Variants in VPS9D1 observed in about 807,000 individuals in gnomAD.
VPS9D1 encodes the protein VPS9 domain containing 1.
VPS9D1 carries 78 observed loss-of-function variants against 75.8 expected under a neutral mutation model. The ratio of observed to expected loss-of-function variants is 1.03; its 90% CI spans 0.86 to 1.24. VPS9D1 has a LOEUF of 1.24. Among genes scored for constraint, VPS9D1 ranks in the 50% most tolerant of loss-of-function variants. The probability of loss-of-function intolerance (pLI) is 0.00; values close to 1 mark genes in which losing one functional copy is unlikely to be tolerated. For missense variants in VPS9D1, 1,057 were observed against 847.7 expected (o/e 1.25, Z -3.07); for synonymous variants, 481 against 385.6 (o/e 1.25, Z -2.90).
At chr16:89,714,617 C>CT (rs2061018755) in intron 4 of VPS9D1, among the ~76,000 whole-genome samples, 5 of 152,292 alleles carry the variant, frequency 3.3e-5, no homozygotes, top group Middle Eastern at 3.4e-3. Flanking sequence ...AGGAGTGGAC[C>CT]CTTCTCGTCT....
At chr16:89,719,300 T>C (rs1360012448) in intron 1 of VPS9D1, 198 bp from the exon 2 acceptor site, 10 of 647,170 alleles carry the variant, frequency 1.5e-5, no homozygotes, top group Non-Finnish European at 2.6e-5. Context: ...GCAGCATCGC[T>C]GCTCTCCAGA....
At chr16:89,710,057 C>T (rs1240377845) in intron 10 of VPS9D1, 151 bp from the exon 11 acceptor site, 1 of 1,118,610 alleles carries the variant, frequency 8.9e-7, no homozygotes, top group Non-Finnish European at 1.2e-6. Context: ...CGGCCCAGGG[C>T]AGGGAGTCCG....
intron 4 of VPS9D1, among the ~76,000 whole-genome samples, chr16:89,716,051 G>A (rs965597066): frequency 2.6e-5 from 4 of 151,882 alleles, no homozygotes; most frequent in East Asian, 2.0e-4. Flanking sequence ...CAGGCCAGGC[G>A]CAGTGGCTCA....
Position 89,707,815 on chromosome 16 carries a change from T to C in VPS9D1, c.*46A>G, listed in dbSNP as rs2060825828. The C allele has an allele frequency of 6.3e-7, 1 of 1,574,852 alleles. No homozygotes were observed. On this transcript the variant is annotated 3_prime_UTR_variant, in exon 15 of 15. Coordinates refer to ENST00000389386, the MANE Select transcript of VPS9D1 (RefSeq NM_004913.3). The stretch of plus-strand genomic sequence containing the variant: ...GCTCCAGGTGTAGGAGAGACAGCCC[T>C]GGGAGGCGAGGCCAGGCCCTGCAGG...
chr16:89,716,699 C>G lies in VPS9D1; in HGVS notation c.268+31G>C, dbSNP rs372160112. On this transcript the variant is annotated intron_variant, in intron 3 of 14. Coordinates refer to ENST00000389386, the MANE Select transcript of VPS9D1 (RefSeq NM_004913.3). ...AGGAGATGCGGGCTTGGGGGATGCC[C>G]CAGGAGAGCCGCCTACTGCAGGAGA... The G allele has an allele frequency of 5.7e-5, 91 of 1,592,706 alleles. No individual in the cohort carries two copies. In the African/African-American group the frequency reaches 1.1e-3, roughly 18 times the overall value.
chr16:89,709,578 A>G (rs2060868466), intron 11 of VPS9D1, 143 bp from the exon 12 acceptor site: 1 of 1,265,886 alleles, frequency 7.9e-7, no homozygotes, highest in Non-Finnish European at 1.1e-6. Context: ...GACCCCAGGC[A>G]CGGGAGAGTG....
Position 89,710,582 on chromosome 16 carries a change from T to G in VPS9D1, c.1258+4A>C. On this transcript the variant is annotated splice_donor_region_variant and intron_variant, in intron 10 of 14. Transcript: ENST00000389386. ...CGGCTCTCCCAGGGAGGGCCTGGCC[T>G]CACCTACGGCATTGTGGATCTCCTC... 1.3e-6 allele frequency: 2 copies of G among 1,588,248 alleles called. No homozygotes were observed. The highest frequency in any genetic ancestry group is 4.5e-5 in the East Asian group (2 of 44,242).
At chr16:89,709,625 A>T in intron 11 of VPS9D1, 152 bp downstream of exon 11, 1 of 1,332,260 alleles carries the variant, frequency 7.5e-7, no homozygotes, top group Non-Finnish European at 1.0e-6. Flanking sequence ...GCCCCTGAGG[A>T]TGGCCTCAGG....
chr16:89,710,446 G>A (rs2060888679), intron 10 of VPS9D1, 140 bp downstream of exon 10: 7 of 913,264 alleles, frequency 7.7e-6, no homozygotes, highest in East Asian at 2.7e-5. Context: ...AAATGAGAAG[G>A]GCTGAGGCGT....
At chr16:89,711,038 G>C (rs1003169667) in intron 9 of VPS9D1, 28 bp from the exon 10 acceptor site, 1 of 1,432,330 alleles carries the variant, frequency 7.0e-7, no homozygotes, top group Admixed American at 2.9e-5. Context: ...GTGAGAACGC[G>C]GCCAGCCTCG....
chr16:89,710,590 G>A lies in VPS9D1; in HGVS notation c.1254C>T (p.Ala418=), dbSNP rs763105957. The A allele has an allele frequency of 4.4e-6, 7 of 1,595,218 alleles. No homozygotes were observed. Among genetic ancestry groups the A allele is most frequent in the Non-Finnish European group, 6.0e-6 (7 of 1,165,940 alleles). Residue 418 remains alanine, a synonymous_variant, in exon 10 of 15, where the codon GCC becomes GCT. Transcript: ENST00000389386. ...LKTAVEEIHN[A]VDRLLSLTLL... ...CCAGGGAGGGCCTGGCCTCACCTACGGCATTGTGGATCTCCTCCACCGCGG... is the reference window on the plus strand; with the variant it reads ...CCAGGGAGGGCCTGGCCTCACCTACAGCATTGTGGATCTCCTCCACCGCGG...
At chr16:89,720,447 C>T (rs3809646) in intron 1 of VPS9D1, 656,389 of 1,060,580 alleles carry the variant, frequency 0.62, 207,618 homozygotes, top group East Asian at 0.98. Context: ...ACGGACCTGC[C>T]CGTCACTCGG....
In VPS9D1 at chr16:89,707,880, C is replaced by A. The variant is rs61747704; in HGVS notation, c.1877G>T (p.Arg626Leu). The A allele has an allele frequency of 1.2e-6, 2 of 1,613,080 alleles. No homozygotes were observed. Among genetic ancestry groups the A allele is most frequent in the East Asian group, 2.2e-5 (1 of 44,882 alleles). The change falls in exon 15 of 15, where the codon CGG becomes CTG. Residue 626 changes from arginine (R) to leucine (L), a missense_variant. Arg to Leu is a moderately radical substitution (Grantham distance 102). Transcript: ENST00000389386. Reference sequence around the variant, plus strand: ...GCTGTACTACTTGGCCAGGCCTCCCCGGGGCAGCAGCTCCACGTAGCTCAG... The same window carrying A: ...GCTGTACTACTTGGCCAGGCCTCCCAGGGGCAGCAGCTCCACGTAGCTCAG... ...SALSYVELLP[R>L]GGLAK
chr16:89,707,987 T>G, intron 14 of VPS9D1, 33 bp from the exon 15 acceptor site: 1 of 1,597,220 alleles, frequency 6.3e-7, no homozygotes, highest in Non-Finnish European at 8.6e-7. Flanking sequence ...CGGTGTCATC[T>G]GAACGAACAG....
chr16:89,717,006 A>T, intron 2 of VPS9D1, 184 bp from the exon 3 acceptor site: 1 of 316,886 alleles, frequency 3.2e-6, no homozygotes, highest in Middle Eastern at 7.9e-4. Context: ...CTGCCCCCCC[A>T]TCCCCTCACC....
rs1303046753 is a variant in VPS9D1, at chr16:89,710,756, G to A, written c.1088C>T (p.Pro363Leu). ...AGATGCGGTGTCCCCCAGGGGTGAG[G>A]GAGACCCCACGGGGCCGGGTTGGAG... Reference protein sequence around the residue: ...PPLQPGPVGSPSPLGDTASGL... With the variant: ...PPLQPGPVGSLSPLGDTASGL... The change falls in exon 10 of 15, where the codon CCC becomes CTC. Residue 363 changes from proline (P) to leucine (L), a missense_variant. Pro to Leu is a moderately conservative substitution (Grantham distance 98). Transcript: ENST00000389386. 3.8e-6 allele frequency: 6 copies of A among 1,572,060 alleles called. No homozygotes were observed. In the East Asian group the frequency reaches 9.4e-5, roughly 25 times the overall value.
intron 2 of VPS9D1, among the ~76,000 whole-genome samples, chr16:89,718,701 CCTTTTT>C (rs1292612192): frequency 1.3e-5 from 2 of 151,440 alleles, no homozygotes; most frequent in African/African-American, 4.8e-5. Flanking sequence ...CTCAGCCATG[CCTTTTT>C]CTTTTTCTTT....
chr16:89,707,466 TC>T lies in VPS9D1; in HGVS notation c.*394del, dbSNP rs1415999452. 3 of 173,960 alleles carry T rather than the reference TC, an allele frequency of 1.7e-5. No individual in the cohort carries two copies. The highest frequency in any genetic ancestry group is 6.0e-5 in the Admixed American group (1 of 16,632). 10.8% of individuals were successfully genotyped at this position (173,960 alleles called of 1,614,324 possible). On this transcript the variant is annotated 3_prime_UTR_variant, in exon 15 of 15. Transcript: ENST00000389386. ...AGGGGAGAGAAACTGGACTGCCGTC[TC>T]CACTGCTGGCCGGCTCATGGCCCCC...
intron 1 of VPS9D1, 40 bp downstream of exon 1, chr16:89,720,723 C>A (rs983854734): frequency 7.1e-7 from 1 of 1,412,794 alleles, no homozygotes; most frequent in Non-Finnish European, 9.2e-7. Context: ...CCTCCAGGGG[C>A]CACCCTCAGC....
Sources: gnomAD v4.1 joint callset for allele counts (sites outside exome capture counted in the v4.1 genomes callset) on GRCh38, gnomAD v4.1.1 for gene constraint, MANE v1.5 for transcripts, NCBI Gene and HGNC (gene_info 2026-07-23, HGNC 2026-07-21) for gene names.